Variants in ZNF853 observed in about 807,000 individuals in gnomAD.
The protein encoded by ZNF853 is zinc finger protein 853.
A neutral mutation model predicts 94.7 loss-of-function variants in ZNF853; 57 were observed. That is an observed-to-expected ratio of 0.60 (90% confidence interval 0.49 to 0.75). The LOEUF (loss-of-function observed/expected upper bound fraction) is 0.75, where lower values mean the gene tolerates loss of function less well. Ranked by LOEUF, ZNF853 falls within the 30% of genes least tolerant of loss-of-function variation. The probability of loss-of-function intolerance (pLI) is 0.00; values close to 1 mark genes in which losing one functional copy is unlikely to be tolerated. For synonymous variants in ZNF853, 448 were observed against 406.3 expected, an observed-to-expected ratio of 1.10 and a Z score of -1.23; for missense variants, 785 against 868.9, an observed-to-expected ratio of 0.90 and a Z score of 1.21.
At position 6,616,029 on chromosome 7, in the gene ZNF853, C is replaced by T; in HGVS notation, c.-146C>T. The T allele has an allele frequency of 4.3e-6, 3 of 698,366 alleles. No homozygotes were observed. The highest frequency in any genetic ancestry group is 7.1e-6 in the Non-Finnish European group (3 of 424,480). The allele number at this position is 698,366 out of a possible 1,614,324, so 43.3% of individuals were successfully genotyped here. ...GAGGGCGTGGACCCTCCGGAGTGCC[C>T]AGAAAGCCCCCGGGGTGGCCCTGCG... is the stretch of plus-strand genomic sequence containing the variant. On this transcript the variant is annotated 5_prime_UTR_variant, in exon 1 of 3. Transcript: ENST00000457543.
chr7:6,622,533 C>CTGCGGCGAG lies in ZNF853; in HGVS notation c.1549_1557dup (p.Glu517_Gly519dup). On this transcript the variant is annotated inframe_insertion, in exon 3 of 3. Coordinates refer to ENST00000457543, the MANE Select transcript of ZNF853 (RefSeq NM_017560.3). ...CGCACACGGGTGAGCGGCCACACCG[C>CTGCGGCGAG]TGCGGCGAGTGCGGCAAGGGCTTCT... 1 of 1,549,642 alleles carries CTGCGGCGAG rather than the reference C, an allele frequency of 6.5e-7. No homozygotes were observed. The highest frequency in any genetic ancestry group is 8.7e-7 in the Non-Finnish European group (1 of 1,147,102).
chr7:6,619,433 G>A, intron 2 of ZNF853, among the ~76,000 whole-genome samples: 2 of 151,820 alleles, frequency 1.3e-5, no homozygotes, highest in African/African-American at 2.4e-5. Flanking sequence ...CACCACGCCC[G>A]ACTAATTTTT....
Position 6,621,349 on chromosome 7 carries a change from C to G in ZNF853, c.358C>G (p.Gln120Glu), listed in dbSNP as rs555898212. The G allele has an allele frequency of 2.4e-4, 366 of 1,551,674 alleles. No individual in the cohort carries two copies. The highest frequency in any genetic ancestry group is 4.1e-4 in the Admixed American group (21 of 50,998). Residue 120 changes from glutamine to glutamate, a missense_variant, in exon 3 of 3, where the codon CAG (glutamine) becomes GAG (glutamate). Gln to Glu is a conservative substitution (Grantham distance 29, BLOSUM62 2). Coordinates refer to ENST00000457543, the MANE Select transcript of ZNF853 (RefSeq NM_017560.3). ...QQPQPHLELQ[Q>E]QPQQDGQQQL... ...GCCGCAGCCACACCTAGAACTGCAA[C>G]AGCAGCCGCAGCAAGATGGGCAACA...
At position 6,622,761 on chromosome 7, in the gene ZNF853, G is replaced by C. The variant is rs1228143924; in HGVS notation, c.1770G>C (p.Thr590=). 15 of 1,547,592 alleles carry C rather than the reference G, an allele frequency of 9.7e-6. No individual in the cohort carries two copies. The highest frequency in any genetic ancestry group is 1.2e-5 in the Non-Finnish European group (14 of 1,149,494). The change falls in exon 3 of 3, where the codon ACG becomes ACC. Residue 590 remains threonine (T), a synonymous_variant. Coordinates refer to ENST00000457543, the MANE Select transcript of ZNF853 (RefSeq NM_017560.3). ...VSSNLLRHRR[T]HSGERPYVCE... The stretch of plus-strand genomic sequence containing the variant: ...CCAACCTGCTGCGCCACCGGCGCAC[G>C]CACTCGGGCGAGCGGCCCTACGTGT...
chr7:6,619,738 G>A, intron 2 of ZNF853, among the ~76,000 whole-genome samples: 1 of 152,212 alleles, frequency 6.6e-6, no homozygotes, highest in African/African-American at 2.4e-5. Flanking sequence ...CAAGTCACAT[G>A]TAGAAAGAAG....
rs1166337036 is a variant in ZNF853, at chr7:6,615,785, G to C, written c.-390G>C. ...AGCCCCCGAGGACCCGCGTCGCCTG[G>C]CCGCCGCCGACCCCAGGCGGGGCCA... On this transcript the variant is annotated 5_prime_UTR_variant, in exon 1 of 3. Coordinates refer to ENST00000457543, the MANE Select transcript of ZNF853 (RefSeq NM_017560.3). The surrounding 1 kb of genome is among the most constrained non-coding windows in gnomAD (Gnocchi z 8.5). The C allele has an allele frequency of 2.0e-5, 3 of 150,054 alleles. No individual in the cohort carries two copies. Among genetic ancestry groups the C allele is most frequent in the Non-Finnish European group, 4.4e-5 (3 of 67,516 alleles). The allele number at this position is 150,054 out of a possible 1,614,324, so 9.3% of individuals were successfully genotyped here.
In ZNF853 at chr7:6,621,530, A is replaced by G. The variant is rs1782604914; in HGVS notation, c.539A>G (p.Gln180Arg). ...LQQQQEQLQT[Q>R]QAQEQQVLQQ... ...CAGCAGCAGGAGCAGTTACAGACGC[A>G]GCAAGCACAAGAGCAACAGGTATTG... The change falls in exon 3 of 3, where the codon CAG becomes CGG. Residue 180 changes from glutamine to arginine, a missense_variant. Gln to Arg is a conservative substitution (Grantham distance 43). Coordinates refer to ENST00000457543, the MANE Select transcript of ZNF853 (RefSeq NM_017560.3). 4.5e-6 allele frequency: 7 copies of G among 1,551,722 alleles called. No homozygotes were observed. The highest frequency in any genetic ancestry group is 6.1e-6 in the Non-Finnish European group (7 of 1,146,972).
rs1398005164 is a variant in ZNF853, at chr7:6,621,932, C to A, written c.941C>A (p.Pro314His). The A allele has an allele frequency of 1.3e-6, 2 of 1,551,016 alleles. No homozygotes were observed. Among genetic ancestry groups the A allele is most frequent in the Non-Finnish European group, 1.7e-6 (2 of 1,146,970 alleles). Residue 314 changes from proline to histidine, a missense_variant, in exon 3 of 3, where the codon CCC becomes CAC. Physicochemically the swap from Pro to His is moderately conservative, Grantham distance 77. Coordinates refer to ENST00000457543, the MANE Select transcript of ZNF853 (RefSeq NM_017560.3). ...CAACTGCAGCCTCCTCCCCTGGAGCCCGAGGAGGAGGAAGAGGTGGAGCTG... is the reference window on the plus strand; with the variant it reads ...CAACTGCAGCCTCCTCCCCTGGAGCACGAGGAGGAGGAAGAGGTGGAGCTG... The part of the protein sequence containing the change: ...QQQLQPPPLE[P>H]EEEEEVELEL...
chr7:6,619,157 A>G, intron 2 of ZNF853, among the ~76,000 whole-genome samples: 1 of 150,732 alleles, frequency 6.6e-6, no homozygotes, highest in African/African-American at 2.4e-5. Context: ...CTCCTGCTGC[A>G]GCCTCCCGAG....
Position 6,622,778 on chromosome 7 carries a change from C to A in ZNF853, c.1787C>A (p.Pro596His), listed in dbSNP as rs1242945856. 1.9e-6 allele frequency: 3 copies of A among 1,541,088 alleles called. No homozygotes were observed. The highest frequency in any genetic ancestry group is 2.6e-6 in the Non-Finnish European group (3 of 1,147,102). Residue 596 changes from proline to histidine, a missense_variant, in exon 3 of 3, where the codon CCC becomes CAC. Transcript: ENST00000457543. ...RHRRTHSGER[P>H]YVCEDCGERF... ...CGGCGCACGCACTCGGGCGAGCGGCCCTACGTGTGCGAGGACTGTGGCGAG... is the reference window on the plus strand; with the variant it reads ...CGGCGCACGCACTCGGGCGAGCGGCACTACGTGTGCGAGGACTGTGGCGAG...
At chr7:6,618,427 G>A in intron 2 of ZNF853, among the ~76,000 whole-genome samples, 1 of 152,062 alleles carries the variant, frequency 6.6e-6, no homozygotes, top group Non-Finnish European at 1.5e-5. Flanking sequence ...AAAATGCTGA[G>A]GTCAGGCACA....
At position 6,621,792 on chromosome 7, in the gene ZNF853, G is replaced by A; in HGVS notation, c.801G>A (p.Leu267=). Residue 267 remains leucine (L), a synonymous_variant, in exon 3 of 3, where the codon CTG becomes CTA. Coordinates refer to ENST00000457543, the MANE Select transcript of ZNF853 (RefSeq NM_017560.3). ...QQQAQLQQQL[L]EQQQAQLQQQ... is the part of the protein sequence containing the mutation. ...AGGCACAGTTACAACAGCAGCTGCT[G>A]GAACAGCAGCAGGCACAGTTACAGC... 1 of 1,550,554 alleles carries A rather than the reference G, an allele frequency of 6.4e-7. No homozygotes were observed. Among genetic ancestry groups the A allele is most frequent in the Non-Finnish European group, 8.7e-7 (1 of 1,146,920 alleles).
chr7:6,617,217 G>A lies in ZNF853; in HGVS notation c.40G>A (p.Ala14Thr), dbSNP rs760981970. 6.8e-5 allele frequency: 105 copies of A among 1,538,150 alleles called. No homozygotes were observed. The highest frequency in any genetic ancestry group is 2.0e-4 in the Admixed American group (10 of 49,740). Residue 14 changes from alanine (A) to threonine (T), a missense_variant, in exon 2 of 3, where the codon GCC becomes ACC. Physicochemically the swap from Ala to Thr is moderately conservative, Grantham distance 58. Transcript: ENST00000457543. ...QPTPGNRGLTARMEVGPATET... is the reference protein window; with the variant it reads ...QPTPGNRGLTTRMEVGPATET... ...GACTCCCGGGAATCGGGGTCTGACC[G>A]CCAGGATGGAAGTGGGGCCAGCCAC...
chr7:6,621,678 ACAG>A lies in ZNF853; in HGVS notation c.694_696del (p.Gln232del), dbSNP rs1310469091. 2 of 1,551,500 alleles carry A rather than the reference ACAG, an allele frequency of 1.3e-6. No individual in the cohort carries two copies. Among genetic ancestry groups the A allele is most frequent in the East Asian group, 2.4e-5 (1 of 40,920 alleles). On this transcript the variant is annotated inframe_deletion, in exon 3 of 3. Transcript: ENST00000457543. ...AACAGTTACAGCAGCAACAGTTTCAACAGCAGCAGGAACAGTTACAGCAGCAGC... is the reference window on the plus strand; with the variant it reads ...AACAGTTACAGCAGCAACAGTTTCAACAGCAGGAACAGTTACAGCAGCAGC...
intron 1 of ZNF853, 121 bp from the exon 2 acceptor site, chr7:6,617,069 A>G: frequency 4.5e-6 from 3 of 662,494 alleles, no homozygotes; most frequent in East Asian, 3.0e-5. Context: ...TGCAGCAGGT[A>G]TGGAGCTGAC....
In ZNF853 at chr7:6,621,117, C is replaced by T; in HGVS notation, c.131-5C>T. The T allele has an allele frequency of 4.1e-6, 6 of 1,462,234 alleles. No homozygotes were observed. In the African/African-American group the frequency reaches 8.6e-5, roughly 21 times the overall value. 90.6% of individuals were successfully genotyped at this position (1,462,234 alleles called of 1,614,324 possible). A position where few individuals can be genotyped will look rare whatever the true frequency, so the allele number is the denominator to read the frequency against. On this transcript the variant is annotated splice_region_variant and splice_polypyrimidine_tract_variant and intron_variant, in intron 2 of 2. Transcript: ENST00000457543. ...TCTCTTGGCTTCCTGCCATTTCTTC[C>T]ACAGGTGGCAGCGGTGGGAGCGAGA...
At position 6,622,985 on chromosome 7, in the gene ZNF853, G is replaced by A. The variant is rs1234633608; in HGVS notation, c.*14G>A. On this transcript the variant is annotated 3_prime_UTR_variant, in exon 3 of 3. Coordinates refer to ENST00000457543, the MANE Select transcript of ZNF853 (RefSeq NM_017560.3). ...AAGGCGCTGTGAGGGCCGTGATCGG[G>A]GCTGCCTGGCCGGGAGGGGACCCCC... is the stretch of plus-strand genomic sequence containing the variant. 4.8e-6 allele frequency: 6 copies of A among 1,245,708 alleles called. No homozygotes were observed. The East Asian group carries it at 9.4e-5, about 20-fold the overall frequency. 77.2% of individuals were successfully genotyped at this position (1,245,708 alleles called of 1,614,324 possible).
At position 6,617,684 on chromosome 7, in the gene ZNF853, C is replaced by G; in HGVS notation, c.130+377C>G. The G allele has an allele frequency of 4.1e-6, 4 of 976,958 alleles. No individual in the cohort carries two copies. In the Admixed American group the frequency reaches 2.5e-4, roughly 60 times the overall value. The allele number at this position is 976,958 out of a possible 1,614,324, so 60.5% of individuals were successfully genotyped here. ...TCAGGTACTAATAGGCTCTCTTCCT[C>G]TGCCCCTCCTGCCCCAGATGTTGGC... On this transcript the variant is annotated intron_variant, in intron 2 of 2. Coordinates refer to ENST00000457543, the MANE Select transcript of ZNF853 (RefSeq NM_017560.3).
chr7:6,616,738 A>G, intron 1 of ZNF853, among the ~76,000 whole-genome samples: 1 of 140,140 alleles, frequency 7.1e-6, no homozygotes, highest in Admixed American at 7.1e-5. Flanking sequence ...CCGTATCAAG[A>G]AAAAAAAAAA....
Sources: allele counts gnomAD v4.1 joint callset (sites outside exome capture counted in the v4.1 genomes callset), GRCh38; gene constraint gnomAD v4.1.1; non-coding constraint Gnocchi (gnomAD v3.1); transcripts MANE v1.5; gene names NCBI Gene and HGNC (gene_info 2026-07-23, HGNC 2026-07-21).